Variants in LITAF observed in about 807,000 individuals in gnomAD.
LITAF encodes lipopolysaccharide-induced tumor necrosis factor-alpha factor.
In LITAF, 9 loss-of-function variants were observed where a neutral mutation model predicts 14.5. The ratio of observed to expected loss-of-function variants is 0.62; its 90% CI spans 0.37 to 1.08. The LOEUF (loss-of-function observed/expected upper bound fraction) is 1.08. Ranked by LOEUF, LITAF falls within the 50% of genes least tolerant of loss-of-function variation. LITAF has a pLI of 0.01. For missense variants in LITAF, 206 were observed against 213.4 expected (o/e 0.97, Z 0.22); for synonymous variants, 98 against 88.2 (o/e 1.11, Z -0.62).
At chr16:11,611,889 TC>T (rs2064984129) in intron 3 of LITAF, among the ~76,000 whole-genome samples, 1 of 152,126 alleles carries the variant, frequency 6.6e-6, no homozygotes, top group Non-Finnish European at 1.5e-5. Flanking sequence ...GGTCTCAAAC[TC>T]CTGACCTCAG....
chr16:11,615,077 T>C (rs1470105613), intron 3 of LITAF, among the ~76,000 whole-genome samples: 1 of 151,894 alleles, frequency 6.6e-6, no homozygotes, highest in East Asian at 1.9e-4. Flanking sequence ...AATGAATGAA[T>C]GAACAAAGGA....
chr16:11,580,562 T>G (rs2064716492), intron 1 of LITAF, among the ~76,000 whole-genome samples: 1 of 151,978 alleles, frequency 6.6e-6, no homozygotes, highest in African/African-American at 2.4e-5. Flanking sequence ...GGCTGGAAGA[T>G]CTTAACTTAG....
chr16:11,610,322 A>T (rs2064975811), intron 3 of LITAF, among the ~76,000 whole-genome samples: 1 of 152,194 alleles, frequency 6.6e-6, no homozygotes, highest in Non-Finnish European at 1.5e-5. Flanking sequence ...AATGTCCGGC[A>T]AGGGGTCTAT....
rs897775080 is a variant in LITAF at position 11,549,673 on chromosome 16, G to C, written c.450C>G (p.Asn150Lys). Residue 150 changes from asparagine (N) to lysine (K), a missense_variant, in exon 4 of 4, where the codon AAC (asparagine) becomes AAG (lysine). Coordinates refer to ENST00000622633, the MANE Select transcript of LITAF (RefSeq NM_001136472.2). This position sits in a 1 kb window ranked among gnomAD's most constrained non-coding sequence, Gnocchi z 4.6. The stretch of plus-strand genomic sequence containing the variant: ...TGTAGGTGCCCAGGAGAGCTCTGCA[G>C]TTGGGACAGTAATGGTCCACGTCCT... ...ALQDVDHYCP[N>K]CRALLGTYKR... 2 of 1,613,756 alleles carry C rather than the reference G, an allele frequency of 1.2e-6. No homozygotes were observed. Among genetic ancestry groups the C allele is most frequent in the Admixed American group, 1.7e-5 (1 of 59,984 alleles).
intron 3 of LITAF, among the ~76,000 whole-genome samples, chr16:11,609,406 G>A (rs1188860507): frequency 6.6e-6 from 1 of 151,904 alleles, no homozygotes; most frequent in East Asian, 1.9e-4. Context: ...TAGAGATGAG[G>A]TTTCACCATG....
chr16:11,596,250 A>C (rs866319155), intron 1 of LITAF, among the ~76,000 whole-genome samples: 5 of 152,076 alleles, frequency 3.3e-5, no homozygotes, highest in Admixed American at 2.6e-4. Context: ...GCCCAGAGTG[A>C]GGCCCGGGTT....
At chr16:11,615,510 C>A (rs576217982) in intron 3 of LITAF, among the ~76,000 whole-genome samples, 1 of 151,674 alleles carries the variant, frequency 6.6e-6, no homozygotes, top group Non-Finnish European at 1.5e-5. Flanking sequence ...GCACTGCAGC[C>A]GGGGCAAAAA....
chr16:11,623,735 G>C (rs2065065817), intron 3 of LITAF, among the ~76,000 whole-genome samples: 1 of 151,910 alleles, frequency 6.6e-6, no homozygotes, highest in Non-Finnish European at 1.5e-5. Context: ...GGAAGGTCGA[G>C]GTGGGCAGAT....
intron 1 of LITAF, among the ~76,000 whole-genome samples, chr16:11,572,210 C>A (rs1056579651): frequency 1.4e-4 from 21 of 152,162 alleles, no homozygotes; most frequent in Admixed American, 1.4e-3. Flanking sequence ...CCACCTTCCA[C>A]GTCAAGACAC....
intron 1 of LITAF, among the ~76,000 whole-genome samples, chr16:11,570,917 G>A (rs968671281): frequency 6.6e-6 from 1 of 151,822 alleles, no homozygotes; most frequent in Non-Finnish European, 1.5e-5. Context: ...GACCTCTGTT[G>A]GGTTTAAATG....
chr16:11,578,810 T>A (rs1054154247), intron 1 of LITAF, among the ~76,000 whole-genome samples: 2 of 152,196 alleles, frequency 1.3e-5, no homozygotes, highest in Non-Finnish European at 2.9e-5. Context: ...GAATCCCTCA[T>A]CTTCAAAAAG....
At chr16:11,593,839 G>T (rs1199891715) in intron 1 of LITAF, among the ~76,000 whole-genome samples, 1 of 152,128 alleles carries the variant, frequency 6.6e-6, no homozygotes, top group Non-Finnish European at 1.5e-5. Context: ...TGAAAGGATT[G>T]GGGGGTGACT....
chr16:11,581,439 G>T (rs550735707), intron 1 of LITAF, among the ~76,000 whole-genome samples: 32 of 152,150 alleles, frequency 2.1e-4, no homozygotes, highest in Non-Finnish European at 4.1e-4. Context: ...TTCACTCCAA[G>T]AGTTTGAGAC....
In LITAF at chr16:11,548,090, G is replaced by A. The variant is rs1391420895; in HGVS notation, c.*1547C>T. 1 of 453,928 alleles carries A rather than the reference G, an allele frequency of 2.2e-6. No homozygotes were observed. The highest frequency in any genetic ancestry group is 2.0e-5 in the African/African-American group (1 of 49,970). The allele number at this position is 453,928 out of a possible 1,614,324, so 28.1% of individuals were successfully genotyped here. ...ATTCGTTGCAAAAATGATAATTACT[G>A]GAATTTTCCAAACATCAAATGAAGG... On this transcript the variant is annotated 3_prime_UTR_variant, in exon 4 of 4. Transcript: ENST00000622633.
Position 11,547,755 on chromosome 16 carries a change from C to T in LITAF, c.*1882G>A, listed in dbSNP as rs1396694730. ...TGTGCATTTTATTAAAACTTGAAAGCTATGGCTTGCCGCCATCAATGACGC... is the reference window on the plus strand; with the variant it reads ...TGTGCATTTTATTAAAACTTGAAAGTTATGGCTTGCCGCCATCAATGACGC... On this transcript the variant is annotated 3_prime_UTR_variant, in exon 4 of 4. Coordinates refer to ENST00000622633, the MANE Select transcript of LITAF (RefSeq NM_001136472.2). 1 of 453,182 alleles carries T rather than the reference C, an allele frequency of 2.2e-6. No homozygotes were observed. The highest frequency in any genetic ancestry group is 2.4e-5 in the Admixed American group (1 of 42,508). 28.1% of individuals were successfully genotyped at this position (453,182 alleles called of 1,614,324 possible). A position where few individuals can be genotyped will look rare whatever the true frequency, so the allele number is the denominator to read the frequency against.
At chr16:11,562,634 C>T (rs1043490956) in intron 1 of LITAF, among the ~76,000 whole-genome samples, 13 of 152,168 alleles carry the variant, frequency 8.5e-5, no homozygotes, top group African/African-American at 2.9e-4. Flanking sequence ...TGTTGGATCA[C>T]GTCTGTAATC....
At chr16:11,621,183 G>C (rs2065048805) in intron 3 of LITAF, among the ~76,000 whole-genome samples, 1 of 152,136 alleles carries the variant, frequency 6.6e-6, no homozygotes. Flanking sequence ...TCCTGCCTTA[G>C]CCTCCAGAGT....
chr16:11,559,881 G>A (rs1478241915), intron 1 of LITAF, among the ~76,000 whole-genome samples: 1 of 151,608 alleles, frequency 6.6e-6, no homozygotes, highest in African/African-American at 2.4e-5. Context: ...TGTGGTCCCA[G>A]CTACTTGGGA....
At position 11,566,784 on chromosome 16, in the gene LITAF, C is replaced by G. The variant is rs962247043; in HGVS notation, c.-5-10049G>C. On this transcript the variant is annotated intron_variant, in intron 1 of 3. Transcript: ENST00000622633. ...GGGGGCGCATGGACAGAGGAAGACT[C>G]TACCTTGGGTTAAAAAAAAAAAAAG... Among the ~76,000 whole-genome samples the G allele has an allele frequency of 4.0e-5, 6 of 150,522 alleles. No homozygotes were observed. The South Asian group carries it at 1.3e-3, about 32-fold the overall frequency.
Sources: gnomAD v4.1 joint callset for allele counts (sites outside exome capture counted in the v4.1 genomes callset) on GRCh38, gnomAD v4.1.1 for gene constraint, Gnocchi (gnomAD v3.1) non-coding constraint, MANE v1.5 for transcripts, NCBI Gene and HGNC (gene_info 2026-07-23, HGNC 2026-07-21) for gene names.